The following SEPTIN11 variants were observed in gnomAD, a reference collection of about 807,000 sequenced individuals.
The protein encoded by SEPTIN11 is septin-11.
SEPTIN11 carries 25 observed loss-of-function variants against 51.4 expected under a neutral mutation model. The observed-to-expected ratio is 0.49, with a 90% CI of 0.35 to 0.68. The LOEUF is 0.68. Ranked by LOEUF, SEPTIN11 falls within the 30% of genes least tolerant of loss-of-function variation. SEPTIN11 has a pLI of 0.00. For missense variants in SEPTIN11, 381 were observed against 520.8 expected, an observed-to-expected ratio of 0.73 and a Z score of 2.61; for synonymous variants, 174 against 184.1, an observed-to-expected ratio of 0.95 and a Z score of 0.44.
intron 5 of SEPTIN11, among the ~76,000 whole-genome samples, chr4:77,017,099 G>A (rs1464133464): frequency 1.3e-5 from 2 of 152,052 alleles, no homozygotes; most frequent in African/African-American, 2.4e-5. Context: ...TGTAATTTGG[G>A]ATGTCAGTGT....
chr4:76,991,423 T>C (rs1208355475), intron 1 of SEPTIN11, among the ~76,000 whole-genome samples: 1 of 152,246 alleles, frequency 6.6e-6, no homozygotes, highest in East Asian at 1.9e-4. Flanking sequence ...GTGGAACATA[T>C]TTTACAGCAG....
chr4:77,027,134 T>C (rs1378576414), intron 7 of SEPTIN11, among the ~76,000 whole-genome samples: 2 of 152,136 alleles, frequency 1.3e-5, no homozygotes, highest in African/African-American at 4.8e-5. Context: ...ACCAGCCTGA[T>C]TAATATGTTT....
At chr4:77,005,387 T>C (rs1386991949) in intron 2 of SEPTIN11, among the ~76,000 whole-genome samples, 1 of 152,258 alleles carries the variant, frequency 6.6e-6, no homozygotes, top group Non-Finnish European at 1.5e-5. Flanking sequence ...TTGAAATCTC[T>C]CTGCTAAATA....
rs1727025182 is a variant in SEPTIN11, at chr4:77,036,391, G to A, written c.*1879G>A. On this transcript the variant is annotated 3_prime_UTR_variant, in exon 10 of 10. Transcript: ENST00000264893. The stretch of plus-strand genomic sequence containing the variant: ...CTCATAGGCTGTGCATCAGACAAAA[G>A]CTTGAATATTTGTGTTGTATGCTTG... 1 of 1,087,368 alleles carries A rather than the reference G, an allele frequency of 9.2e-7. No individual in the cohort carries two copies. 67.4% of individuals were successfully genotyped at this position (1,087,368 alleles called of 1,614,324 possible).
At chr4:77,023,196 T>C (rs2109974678) in intron 7 of SEPTIN11, among the ~76,000 whole-genome samples, 1 of 151,372 alleles carries the variant, frequency 6.6e-6, no homozygotes, top group South Asian at 2.1e-4. Flanking sequence ...GCTTTATCCA[T>C]GTCTCCCCTC....
chr4:76,959,215 C>T (rs907920288), intron 1 of SEPTIN11: 14 of 311,838 alleles, frequency 4.5e-5, no homozygotes, highest in East Asian at 1.5e-4. Context: ...CCGATGGAAA[C>T]GGATCCAAAG....
At chr4:76,957,915 G>A (rs1327733555) in intron 1 of SEPTIN11, among the ~76,000 whole-genome samples, 1 of 152,056 alleles carries the variant, frequency 6.6e-6, no homozygotes, top group East Asian at 1.9e-4. Flanking sequence ...TAAAAAAAGT[G>A]ACTGTCAAAT....
At chr4:76,980,135 C>T (rs1049938413) in intron 1 of SEPTIN11, among the ~76,000 whole-genome samples, 2 of 152,146 alleles carry the variant, frequency 1.3e-5, no homozygotes, top group African/African-American at 4.8e-5. Flanking sequence ...TTTTTTCCTT[C>T]TCTGGGTATT....
chr4:77,039,660 AT>A, downstream of SEPTIN11: 4 of 984,506 alleles, frequency 4.1e-6, no homozygotes, highest in Non-Finnish European at 4.8e-6. Flanking sequence ...AAAAAAAAAA[AT>A]CATTTGATAT....
chr4:76,954,736 A>G (rs1215067655), intron 1 of SEPTIN11, among the ~76,000 whole-genome samples: 1 of 152,240 alleles, frequency 6.6e-6, no homozygotes, highest in Non-Finnish European at 1.5e-5. Context: ...ACCTCTTTTT[A>G]GGATCGACGC....
Position 77,034,818 on chromosome 4 carries a change from G to T in SEPTIN11, c.*306G>T. On this transcript the variant is annotated 3_prime_UTR_variant, in exon 10 of 10. Transcript: ENST00000264893. ...TGTTACTTGTATGTCGCTTTGGACAGAGGAAAGTGGGGTAAAATGCTACCT... is the reference window on the plus strand; with the variant it reads ...TGTTACTTGTATGTCGCTTTGGACATAGGAAAGTGGGGTAAAATGCTACCT... 9.3e-7 allele frequency: 1 copy of T among 1,075,854 alleles called. No homozygotes were observed. The highest frequency in any genetic ancestry group is 6.1e-5 in the East Asian group (1 of 16,426). 66.6% of individuals were successfully genotyped at this position (1,075,854 alleles called of 1,614,324 possible). A position where few individuals can be genotyped will look rare whatever the true frequency, so the allele number is the denominator to read the frequency against.
intron 1 of SEPTIN11, among the ~76,000 whole-genome samples, chr4:76,968,769 C>T (rs1395615760): frequency 6.6e-6 from 1 of 152,124 alleles, no homozygotes; most frequent in Non-Finnish European, 1.5e-5. Flanking sequence ...TGGGTTGAAC[C>T]ACATGAAAGT....
At chr4:77,029,753 CATAT>C (rs141639335) in intron 8 of SEPTIN11, among the ~76,000 whole-genome samples, 3 of 149,584 alleles carry the variant, frequency 2.0e-5, no homozygotes, top group East Asian at 3.9e-4. Context: ...ATACATAATG[CATAT>C]ATATATATAT....
At chr4:77,015,108 T>TAGG in intron 5 of SEPTIN11, 91 bp downstream of exon 5, 2 of 1,275,784 alleles carry the variant, frequency 1.6e-6, no homozygotes, top group Non-Finnish European at 1.1e-6. Flanking sequence ...CTGGACTGAC[T>TAGG]AGGAACCTGA....
chr4:76,955,520 T>C (rs1161192771), intron 1 of SEPTIN11, among the ~76,000 whole-genome samples: 1 of 152,238 alleles, frequency 6.6e-6, no homozygotes, highest in East Asian at 1.9e-4. Context: ...GACTCAGTTG[T>C]GCAGTGCATT....
At chr4:76,972,589 AG>A (rs752939980) in intron 1 of SEPTIN11, 2 of 152,170 alleles carry the variant, frequency 1.3e-5, no homozygotes, top group Admixed American at 6.6e-5. Flanking sequence ...AATGTTTATG[AG>A]GTAATTAACA....
intron 7 of SEPTIN11, among the ~76,000 whole-genome samples, chr4:77,027,947 A>G (rs1003477967): frequency 1.4e-5 from 2 of 145,800 alleles, no homozygotes; most frequent in Non-Finnish European, 3.0e-5. Context: ...TGCTCTGTTT[A>G]CAACTGGTAA....
rs17002329 is a variant in SEPTIN11, at chr4:77,008,906, A to C, written c.339-2829A>C. The stretch of plus-strand genomic sequence containing the variant: ...TAGGAATGGGGCTAGCAAAAGGCTA[A>C]GTTGGGATTAAGCTTCCTATCTTTC... On this transcript the variant is annotated intron_variant, in intron 3 of 9. Transcript: ENST00000264893. Among the ~76,000 whole-genome samples, 925 of 152,310 alleles carry C rather than the reference A, an allele frequency of 6.1e-3. 12 individuals carry two copies. Among genetic ancestry groups the C allele is most frequent in the African/African-American group, 0.022 (904 of 41,546 alleles).
chr4:77,003,941 T>C (rs1043192550), intron 2 of SEPTIN11, among the ~76,000 whole-genome samples: 2 of 152,158 alleles, frequency 1.3e-5, no homozygotes, highest in Non-Finnish European at 2.9e-5. Flanking sequence ...AAGTTTAAAT[T>C]GAGCTGGAAA....
Sources: allele counts gnomAD v4.1 joint callset (sites outside exome capture counted in the v4.1 genomes callset), GRCh38; gene constraint gnomAD v4.1.1; transcripts MANE v1.5; gene names NCBI Gene and HGNC (gene_info 2026-07-23, HGNC 2026-07-21).